NDUFA7: variants seen among roughly 807,000 people sequenced by gnomAD.
NDUFA7 encodes NADH:ubiquinone oxidoreductase subunit A7, also known as NADH dehydrogenase [ubiquinone] 1 alpha subcomplex subunit 7.
A neutral mutation model predicts 14.2 loss-of-function variants in NDUFA7; 18 were observed. The ratio of observed to expected loss-of-function variants is 1.27; its 90% CI spans 0.88 to 1.88. NDUFA7 has a LOEUF of 1.88. Ranked by LOEUF, NDUFA7 falls within the 40% of genes most tolerant of loss-of-function variation. The probability of loss-of-function intolerance (pLI) is 0.00; values close to 1 mark genes in which losing one functional copy is unlikely to be tolerated. For synonymous variants in NDUFA7, 75 were observed against 62.1 expected (o/e 1.21, Z -0.98); for missense variants, 172 against 147.3 (o/e 1.17, Z -0.87).
chr19:8,321,335 GA>G lies in NDUFA7; in HGVS notation c.23del (p.Ile8ThrfsTer80). 2 of 1,580,266 alleles carry G rather than the reference GA, an allele frequency of 1.3e-6. No homozygotes were observed. Among genetic ancestry groups the G allele is most frequent in the Middle Eastern group, 2.1e-4 (1 of 4,844 alleles). ...CGGACGCCCAGTTCCGCAGCCGCTGGATGAGACGGGTGGCGGACGCCATCTT... is the reference window on the plus strand; with the variant it reads ...CGGACGCCCAGTTCCGCAGCCGCTGGTGAGACGGGTGGCGGACGCCATCTT... MASATRL[I>X]QRLRNWASGH... On this transcript the variant is annotated frameshift_variant, in exon 1 of 4. Transcript: ENST00000301457. LOFTEE classifies it high-confidence loss of function.
At chr19:8,316,140 C>G (rs1970230091) in intron 3 of NDUFA7, among the ~76,000 whole-genome samples, 1 of 120,198 alleles carries the variant, frequency 8.3e-6, no homozygotes, top group Admixed American at 8.5e-5. Context: ...CAGAGTGAGA[C>G]TCCGTCTCAA....
chr19:8,317,216 T>C (rs1271731037), intron 2 of NDUFA7, among the ~76,000 whole-genome samples: 1 of 152,126 alleles, frequency 6.6e-6, no homozygotes, highest in Non-Finnish European at 1.5e-5. Context: ...AGCTCGGTCT[T>C]GGCTTGAACT....
rs1046174490 is a variant in NDUFA7 at position 8,311,605 on chromosome 19, G to A, written c.252-10C>T. ...GGCAGCTACAGCAGAGCTGGAGGAG[G>A]GAAAGACTTCAGTGAGGGTTTCCAA... On this transcript the variant is annotated splice_polypyrimidine_tract_variant and intron_variant, in intron 3 of 3. Transcript: ENST00000301457. 1.3e-5 allele frequency: 21 copies of A among 1,609,502 alleles called. No individual in the cohort carries two copies. Among genetic ancestry groups the A allele is most frequent in the Admixed American group, 1.7e-5 (1 of 59,556 alleles).
In NDUFA7 at chr19:8,317,941, G is replaced by A. The variant is rs1300708616; in HGVS notation, c.102-1296C>T. On this transcript the variant is annotated intron_variant, in intron 2 of 3. Transcript: ENST00000301457. ...TCTCACCTTGGCCTCCCAAAGTGCT[G>A]GGATTACAGGCGTGAGCCACCACTC... Among the ~76,000 whole-genome samples, 4 of 152,098 alleles carry A rather than the reference G, an allele frequency of 2.6e-5. No homozygotes were observed. In the East Asian group the frequency reaches 5.8e-4, roughly 22 times the overall value.
intron 3 of NDUFA7, among the ~76,000 whole-genome samples, chr19:8,312,902 C>A (rs1290314955): frequency 1.3e-5 from 2 of 152,054 alleles, no homozygotes; most frequent in Admixed American, 1.3e-4. Context: ...TGGGCTCAAG[C>A]GATCCACCCG....
chr19:8,317,708 A>G (rs1206784556), intron 2 of NDUFA7, among the ~76,000 whole-genome samples: 1 of 152,174 alleles, frequency 6.6e-6, no homozygotes, highest in Non-Finnish European at 1.5e-5. Flanking sequence ...ATATGCAATC[A>G]TATGATCGCT....
At chr19:8,320,706 G>T in intron 2 of NDUFA7, 151 bp downstream of exon 2, 1 of 954,174 alleles carries the variant, frequency 1.0e-6, no homozygotes, top group Non-Finnish European at 1.6e-6. Context: ...AGTTCAGCAA[G>T]GTTAAAGGCA....
chr19:8,319,317 T>C (rs1268794840), intron 2 of NDUFA7: 1 of 152,040 alleles, frequency 6.6e-6, no homozygotes, highest in Non-Finnish European at 1.5e-5. Flanking sequence ...TCCCAGCACT[T>C]TGGGAGGCCG....
At chr19:8,312,206 CCT>C (rs1970186705) in intron 3 of NDUFA7, among the ~76,000 whole-genome samples, 2 of 152,332 alleles carry the variant, frequency 1.3e-5, no homozygotes, top group Non-Finnish European at 2.9e-5. Context: ...AGCACCCTCC[CCT>C]CTCACCCCAC....
chr19:8,311,775 G>A (rs902007712), intron 3 of NDUFA7, among the ~76,000 whole-genome samples, 180 bp from the exon 4 acceptor site: 6 of 152,138 alleles, frequency 3.9e-5, no homozygotes, highest in Admixed American at 2.6e-4. Flanking sequence ...ATCAGCCAAC[G>A]CCAGGTGGGA....
At chr19:8,310,389 A>G (rs1459841524), downstream of NDUFA7, 3 of 152,138 alleles carry the variant, frequency 2.0e-5, no homozygotes, top group Admixed American at 2.0e-4. Context: ...TGATCGCGCC[A>G]TTGTACTCTA....
downstream of NDUFA7, among the ~76,000 whole-genome samples, chr19:8,310,158 G>C (rs547397823): frequency 2.1e-3 from 321 of 152,296 alleles, 3 homozygotes; most frequent in African/African-American, 7.4e-3. Flanking sequence ...GGCCAGGCGC[G>C]GTGGCTCACG....
At chr19:8,315,909 C>T (rs894189465) in intron 3 of NDUFA7, among the ~76,000 whole-genome samples, 2 of 151,948 alleles carry the variant, frequency 1.3e-5, no homozygotes, top group African/African-American at 4.8e-5. Flanking sequence ...AATCCTAGCA[C>T]TTTGGGAGGC....
chr19:8,311,518 T>C lies in NDUFA7; in HGVS notation c.329A>G (p.Gln110Arg), dbSNP rs889448277. The change falls in exon 4 of 4, where the codon CAG (glutamine) becomes CGG (arginine). Residue 110 changes from glutamine to arginine, a missense_variant. Gln to Arg is a conservative substitution (Grantham distance 43). Coordinates refer to ENST00000301457, the MANE Select transcript of NDUFA7 (RefSeq NM_005001.5). ...GAGGGTGCAGTGTCACAGGTAAGGC[T>C]GGTCCGAGGACAGCTCCCACCTCTT... ...PIKRWELSSD[Q>R]PYL is the part of the protein sequence containing the mutation. The C allele has an allele frequency of 3.1e-6, 5 of 1,610,582 alleles. No homozygotes were observed. Among genetic ancestry groups the C allele is most frequent in the Non-Finnish European group, 3.4e-6 (4 of 1,178,192 alleles).
chr19:8,309,993 C>T (rs1970155810), downstream of NDUFA7, among the ~76,000 whole-genome samples: 3 of 152,186 alleles, frequency 2.0e-5, no homozygotes, highest in South Asian at 6.2e-4. Flanking sequence ...CCTGATCTGC[C>T]CTAGGTTTGC....
chr19:8,315,847 A>G (rs929563730), intron 3 of NDUFA7, among the ~76,000 whole-genome samples: 2 of 148,448 alleles, frequency 1.3e-5, no homozygotes, highest in Non-Finnish European at 2.9e-5. Context: ...CCATCTCAAA[A>G]CAAAAACAAA....
At chr19:8,315,377 C>T (rs191835509) in intron 3 of NDUFA7, among the ~76,000 whole-genome samples, 4 of 152,178 alleles carry the variant, frequency 2.6e-5, no homozygotes, top group African/African-American at 9.6e-5. Flanking sequence ...TGGAATGTCT[C>T]GGTGTAAAAC....
downstream of NDUFA7, chr19:8,308,750 G>A (rs1970138129): frequency 4.9e-6 from 1 of 203,678 alleles, no homozygotes; most frequent in African/African-American, 2.4e-5. Context: ...GCTAGCTACT[G>A]GAGGGCAGGG....
intron 1 of NDUFA7, 154 bp downstream of exon 1, chr19:8,321,154 G>T: frequency 9.6e-7 from 1 of 1,040,230 alleles, no homozygotes; most frequent in Non-Finnish European, 1.4e-6. Flanking sequence ...CCAGGAGAGG[G>T]TCCCGGGCTG....
Sources: allele counts gnomAD v4.1 joint callset (sites outside exome capture counted in the v4.1 genomes callset), GRCh38; gene constraint gnomAD v4.1.1; transcripts MANE v1.5; gene names NCBI Gene and HGNC (gene_info 2026-07-23, HGNC 2026-07-21).